NSD3: variants seen among roughly 807,000 people sequenced by gnomAD.
The protein encoded by NSD3 is histone-lysine N-methyltransferase NSD3.
A neutral mutation model predicts 160.8 loss-of-function variants in NSD3; 24 were observed. The ratio of observed to expected loss-of-function variants is 0.15; its 90% confidence interval spans 0.11 to 0.21. NSD3 has a LOEUF of 0.21. Ranked by LOEUF, NSD3 falls within the 10% of genes least tolerant of loss-of-function variation. The probability of loss-of-function intolerance (pLI) is 1.00; values close to 1 mark genes in which losing one functional copy is unlikely to be tolerated. For synonymous variants in NSD3, 520 were observed against 600.0 expected (o/e 0.87, Z 1.95); for missense variants, 1,157 against 1,735.9 (o/e 0.67, Z 5.93).
intron 16 of NSD3, 143 bp downstream of exon 16, chr8:38,295,653 A>AAAGAACCTCAAAG: frequency 1.3e-6 from 1 of 786,662 alleles, no homozygotes; most frequent in African/African-American, 1.8e-5. Context: ...CCCAGCCTCA[A>AAAGAACCTCAAAG]AACATGGTTC....
chr8:38,276,075 C>A (rs538841959), intron 23 of NSD3, among the ~76,000 whole-genome samples, 193 bp from the exon 24 acceptor site: 1 of 152,138 alleles, frequency 6.6e-6, no homozygotes, highest in African/African-American at 2.4e-5. Flanking sequence ...CAAAACCCAA[C>A]GCCACAGGTA....
At position 38,359,508 on chromosome 8, in the gene NSD3, C is replaced by A. The variant is rs148740964; in HGVS notation, c.-44-11293G>T. 4.0e-3 allele frequency among the ~76,000 whole-genome samples: 602 copies of A among 152,290 alleles called. 3 individuals are homozygous for A. Among genetic ancestry groups the A allele is most frequent in the South Asian group, 9.1e-3 (44 of 4,826 alleles). ...GAAAAAGCAGAGATGTGGGTGTGGA[C>A]TTCTGGAGGAAACAAAAAGTAAAAA... On this transcript the variant is annotated intron_variant, in intron 1 of 23. Coordinates refer to ENST00000317025, the MANE Select transcript of NSD3 (RefSeq NM_023034.2).
intron 1 of NSD3, among the ~76,000 whole-genome samples, chr8:38,369,024 G>A (rs1220184234): frequency 1.3e-5 from 2 of 151,988 alleles, no homozygotes; most frequent in East Asian, 3.8e-4. Flanking sequence ...CCCCAAAAAA[G>A]GCAAAAGAGA....
In NSD3 at chr8:38,321,691, C is replaced by T. The variant is rs1223017487; in HGVS notation, c.1709-519G>A. ...TAAGTTTTGCTGTTGTTATTAATAA[C>T]AAAAGCAGGAAAAGCAGGGAAGGCA... On this transcript the variant is annotated intron_variant, in intron 7 of 23. Transcript: ENST00000317025. This position sits in a 1 kb window ranked among gnomAD's most constrained non-coding sequence, Gnocchi z 4.7. 6.6e-6 allele frequency among the ~76,000 whole-genome samples: 1 copy of T among 152,032 alleles called. No homozygotes were observed. The highest frequency in any genetic ancestry group is 1.5e-5 in the Non-Finnish European group (1 of 67,984).
intron 12 of NSD3, among the ~76,000 whole-genome samples, chr8:38,309,494 T>A (rs1002919776): frequency 6.6e-6 from 1 of 151,602 alleles, no homozygotes; most frequent in Non-Finnish European, 1.5e-5. Flanking sequence ...ATTAATTAAA[T>A]AAAAAGCTAG....
intron 1 of NSD3, among the ~76,000 whole-genome samples, chr8:38,356,528 G>A (rs1810828048): frequency 6.6e-6 from 1 of 152,006 alleles, no homozygotes; most frequent in South Asian, 2.1e-4. Context: ...ACCAGCCTGG[G>A]TGACACAGTA....
At chr8:38,358,919 T>C (rs1385007669) in intron 1 of NSD3, among the ~76,000 whole-genome samples, 1 of 147,844 alleles carries the variant, frequency 6.8e-6, no homozygotes, top group Non-Finnish European at 1.5e-5. Flanking sequence ...AAAGGAACAG[T>C]TAATTTTTTT....
chr8:38,348,662 C>G (rs1810593538), intron 1 of NSD3, among the ~76,000 whole-genome samples: 1 of 151,942 alleles, frequency 6.6e-6, no homozygotes, highest in African/African-American at 2.4e-5. Context: ...AATGTTATTG[C>G]ATTTTTTCTT....
Position 38,299,349 on chromosome 8 carries a change from T to C in NSD3, c.2758+95A>G, listed in dbSNP as rs1056344623. 1.7e-4 allele frequency: 230 copies of C among 1,330,006 alleles called. 1 individual carries two copies. The highest frequency in any genetic ancestry group is 2.2e-4 in the Non-Finnish European group (218 of 998,216). The allele number at this position is 1,330,006 out of a possible 1,614,324, so 82.4% of individuals were successfully genotyped here. On this transcript the variant is annotated intron_variant, in intron 15 of 23. Coordinates refer to ENST00000317025, the MANE Select transcript of NSD3 (RefSeq NM_023034.2). ...GGCAGAATTTACCAAAAGCAACAGA[T>C]GGTGCTTGACAGGCATACATTTCCC...
At chr8:38,296,078 G>A (rs1456333389) in intron 15 of NSD3, 126 bp from the exon 16 acceptor site, 1 of 961,344 alleles carries the variant, frequency 1.0e-6, no homozygotes, top group Non-Finnish European at 1.5e-6. Context: ...CAAAGGGACT[G>A]AGTCATATCT....
In NSD3 at chr8:38,275,826, A is replaced by G; in HGVS notation, c.4129T>C (p.Phe1377Leu). Reference sequence around the variant, plus strand: ...AATGAATGTGGACAGAATTCACAGAAGGAAACAGCTGCACTGCTGCACTCA... The same window carrying G: ...AATGAATGTGGACAGAATTCACAGAGGGAAACAGCTGCACTGCTGCACTCA... ...CDECSSAAVS[F>L]CEFCPHSFCK... The change falls in exon 24 of 24, where the codon TTC (phenylalanine) becomes CTC (leucine). Residue 1377 changes from phenylalanine (F) to leucine (L), a missense_variant. Physicochemically the swap from Phe to Leu is conservative, Grantham distance 22. This residue lies in a region of NSD3 where 222 missense variants were observed against 409.9 expected (regional missense o/e 0.54). Coordinates refer to ENST00000317025, the MANE Select transcript of NSD3 (RefSeq NM_023034.2). 6.2e-7 allele frequency: 1 copy of G among 1,614,206 alleles called. No individual in the cohort carries two copies. Among genetic ancestry groups the G allele is most frequent in the South Asian group, 1.1e-5 (1 of 91,074 alleles).
chr8:38,295,988 AGAG>A, intron 15 of NSD3, 36 bp from the exon 16 acceptor site: 4 of 1,558,410 alleles, frequency 2.6e-6, no homozygotes, highest in Non-Finnish European at 1.7e-6. Context: ...AACTGAGAAA[AGAG>A]GAGAGAGAAA....
In NSD3 at chr8:38,295,851, C is replaced by A; in HGVS notation, c.2860G>T (p.Ala954Ser). The part of the protein sequence containing the change: ...EGCWNCNDCK[A>S]GKKLHYKQIV... The stretch of plus-strand genomic sequence containing the variant: ...TGCTTGTAATGTAGTTTCTTGCCAG[C>A]TTTACAGTCATTACAATTCCAGCAG... Residue 954 changes from alanine to serine, a missense_variant, in exon 16 of 24, where the codon GCT becomes TCT. Physicochemically the swap from Ala to Ser is moderately conservative, Grantham distance 99. Coordinates refer to ENST00000317025, the MANE Select transcript of NSD3 (RefSeq NM_023034.2). The A allele has an allele frequency of 6.2e-7, 1 of 1,614,056 alleles. No individual in the cohort carries two copies. The highest frequency in any genetic ancestry group is 8.5e-7 in the Non-Finnish European group (1 of 1,180,006).
chr8:38,284,310 TATG>T (rs1343838729), intron 19 of NSD3, among the ~76,000 whole-genome samples: 4 of 152,064 alleles, frequency 2.6e-5, no homozygotes, highest in African/African-American at 9.6e-5. Context: ...TGCACTGTGA[TATG>T]ATATCAAAGG....
chr8:38,269,979 G>T lies in NSD3; in HGVS notation c.*5662C>A, dbSNP rs978893297. 2 of 152,084 alleles carry T rather than the reference G, an allele frequency of 1.3e-5. No homozygotes were observed. The highest frequency in any genetic ancestry group is 2.9e-5 in the Non-Finnish European group (2 of 68,026). 9.4% of individuals were successfully genotyped at this position (152,084 alleles called of 1,614,324 possible). A position where few individuals can be genotyped will look rare whatever the true frequency, so the allele number is the denominator to read the frequency against. On this transcript the variant is annotated 3_prime_UTR_variant, in exon 24 of 24. Coordinates refer to ENST00000317025, the MANE Select transcript of NSD3 (RefSeq NM_023034.2). ...TCAACAATAAGCTATCTATATACAG[G>T]TTAACCAAGCTTTACACGTTTCACA...
At chr8:38,371,881 C>A (rs1171358669) in intron 1 of NSD3, among the ~76,000 whole-genome samples, 2 of 152,200 alleles carry the variant, frequency 1.3e-5, no homozygotes, top group Non-Finnish European at 2.9e-5. Flanking sequence ...CTATCCTAAT[C>A]CTCAAAAATC....
chr8:38,362,081 G>T (rs1810980843), intron 1 of NSD3, among the ~76,000 whole-genome samples: 1 of 151,834 alleles, frequency 6.6e-6, no homozygotes, highest in Admixed American at 6.6e-5. Context: ...TTTAATGAAA[G>T]CACACTATAA....
chr8:38,282,171 A>G (rs1355687223), intron 19 of NSD3, among the ~76,000 whole-genome samples: 1 of 152,204 alleles, frequency 6.6e-6, no homozygotes, highest in Non-Finnish European at 1.5e-5. Context: ...TTACATGCAT[A>G]CATTTGTGTG....
intron 1 of NSD3, among the ~76,000 whole-genome samples, chr8:38,376,266 G>A (rs1325183193): frequency 6.6e-6 from 1 of 152,030 alleles, no homozygotes; most frequent in Non-Finnish European, 1.5e-5. Flanking sequence ...ATTTTTGCAT[G>A]TAAAAATATT....
Sources: gnomAD v4.1 joint callset for allele counts (sites outside exome capture counted in the v4.1 genomes callset) on GRCh38, gnomAD v4.1.1 for gene constraint, gnomAD v4.1.1 regional missense constraint, Gnocchi (gnomAD v3.1) non-coding constraint, MANE v1.5 for transcripts, NCBI Gene and HGNC (gene_info 2026-07-23, HGNC 2026-07-21) for gene names.